The following CD99L2 variants were observed in gnomAD, a reference collection of about 807,000 sequenced individuals.
CD99L2 encodes the protein CD99 molecule like 2, also known as CD99 antigen-like protein 2.
Under a neutral mutation model 27.3 loss-of-function variants are expected in CD99L2, and 24 were observed. That is an observed-to-expected ratio of 0.88 (90% CI 0.64 to 1.24). CD99L2 has a LOEUF of 1.24. CD99L2 is among the 50% of genes most tolerant of loss of function. The pLI, the probability that CD99L2 is intolerant of heterozygous loss-of-function variation, is 0.00. For synonymous variants in CD99L2, 97 were observed against 87.9 expected, an observed-to-expected ratio of 1.10 and a Z score of -0.58; for missense variants, 255 against 221.6, an observed-to-expected ratio of 1.15 and a Z score of -0.96.
intron 2 of CD99L2, among the ~76,000 whole-genome samples, chrX:150,826,815 T>C (rs2046374497): frequency 9.0e-6 from 1 of 111,669 alleles, no homozygotes; most frequent in African/African-American, 3.3e-5. Flanking sequence ...AGAGTAAGCC[T>C]GGCTCTTCTC....
At position 150,772,534 on chromosome X, in the gene CD99L2, T is replaced by G. The variant is rs1041637026; in HGVS notation, c.656-2165A>C. 4.4e-5 allele frequency among the ~76,000 whole-genome samples: 5 copies of G among 112,634 alleles called. 1 individual carries two copies. The Admixed American group carries it at 4.7e-4, about 10-fold the overall frequency. On this transcript the variant is annotated intron_variant, in intron 9 of 10. Coordinates refer to ENST00000370377, the MANE Select transcript of CD99L2 (RefSeq NM_031462.4). ...TGGTTGGGACCAAACCATGAAGGGC[T>G]TCCACTGCCAAACTCAGGCTCAGCC...
At chrX:150,887,856 T>A (rs1290986894) in intron 1 of CD99L2, among the ~76,000 whole-genome samples, 1 of 111,876 alleles carries the variant, frequency 8.9e-6, no homozygotes. Context: ...CTAACAAATA[T>A]ACCTCATGGT....
At position 150,875,853 on chromosome X, in the gene CD99L2, C is replaced by T. The variant is rs138272232; in HGVS notation, c.67+22669G>A. On this transcript the variant is annotated intron_variant, in intron 1 of 10. Coordinates refer to ENST00000370377, the MANE Select transcript of CD99L2 (RefSeq NM_031462.4). ...CCATGTAAGATGTGACTTGCTCCTC[C>T]TTGCCTTCTGCCCTGATGTGAGGCC... Among the ~76,000 whole-genome samples the T allele has an allele frequency of 5.1e-3, 568 of 112,380 alleles. 7 individuals are homozygous for T. Among genetic ancestry groups the T allele is most frequent in the Middle Eastern group, 0.014 (3 of 219 alleles).
intron 3 of CD99L2, among the ~76,000 whole-genome samples, chrX:150,815,738 G>T (rs557811688): frequency 8.9e-6 from 1 of 112,277 alleles, no homozygotes; most frequent in Admixed American, 9.4e-5. Flanking sequence ...CCTGATTTTA[G>T]AAAATGAAAC....
intron 1 of CD99L2, among the ~76,000 whole-genome samples, chrX:150,866,892 G>A (rs781862028): frequency 7.2e-5 from 8 of 110,604 alleles, no homozygotes; most frequent in Non-Finnish European, 1.5e-4. Flanking sequence ...TGTAGCACAT[G>A]AGAAGACTCT....
chrX:150,769,683 C>G (rs1603282295), intron 10 of CD99L2, among the ~76,000 whole-genome samples: 1 of 86,449 alleles, frequency 1.2e-5, no homozygotes, highest in South Asian at 4.1e-4. Context: ...CTGCCTGCGC[C>G]ACCAGGCCTC....
intron 2 of CD99L2, among the ~76,000 whole-genome samples, chrX:150,825,228 T>C (rs1045206737): frequency 2.7e-5 from 3 of 112,150 alleles, no homozygotes; most frequent in Non-Finnish European, 5.6e-5. Context: ...AGAAAAGCAA[T>C]TGCCACTTAT....
rs147707883 is a variant in CD99L2, at chrX:150,849,112, T to G, written c.68-17819A>C. 6.6e-3 allele frequency among the ~76,000 whole-genome samples: 740 copies of G among 111,549 alleles called. 7 individuals carry two copies. The highest frequency in any genetic ancestry group is 0.023 in the African/African-American group (698 of 30,704). On this transcript the variant is annotated intron_variant, in intron 1 of 10. Transcript: ENST00000370377. ...CTTGCTCAAATTCCCTTCCCAAATA[T>G]ACCTAATGGCAGACTGTGGCCTCTA...
chrX:150,824,707 G>GAGGAAGAGGAAGAGGAAGAGGAAGAA (rs2046343166), intron 2 of CD99L2, among the ~76,000 whole-genome samples: 1 of 93,619 alleles, frequency 1.1e-5, no homozygotes, highest in African/African-American at 4.0e-5. Context: ...AAGAGGAAGA[G>GAGGAAGAGGAAGAGGAAGAGGAAGAA]GAAGAAGAAG....
At position 150,768,968 on chromosome X, in the gene CD99L2, A is replaced by G. The variant is rs1202315701; in HGVS notation, c.*66T>C. 3 of 1,103,190 alleles carry G rather than the reference A, an allele frequency of 2.7e-6. No individual in the cohort carries two copies. The highest frequency in any genetic ancestry group is 3.5e-6 in the Non-Finnish European group (3 of 853,177). The allele number at this position is 1,103,190 out of a possible 1,213,427, so 90.9% of individuals were successfully genotyped here. A position where few individuals can be genotyped will look rare whatever the true frequency, so the allele number is the denominator to read the frequency against. On this transcript the variant is annotated 3_prime_UTR_variant, in exon 11 of 11. Transcript: ENST00000370377. The stretch of plus-strand genomic sequence containing the variant: ...GCACAGCAGCTGCGGGTCCAAATGA[A>G]GGGGTGGGGGGAGCCGGGTGACAAG...
In CD99L2 at chrX:150,787,774, C is replaced by T. The variant is rs782079548; in HGVS notation, c.496+5917G>A. Among the ~76,000 whole-genome samples the T allele has an allele frequency of 3.5e-3, 350 of 101,250 alleles. 1 individual carries two copies. The highest frequency in any genetic ancestry group is 0.012 in the African/African-American group (339 of 27,670). The allele number at this position is 101,250 out of a possible 115,157, so 87.9% of individuals were successfully genotyped here. A position where few individuals can be genotyped will look rare whatever the true frequency, so the allele number is the denominator to read the frequency against. On this transcript the variant is annotated intron_variant, in intron 7 of 10. Transcript: ENST00000370377. ...ATTGGGGGAGGGGGGAGGGATAGCA[C>T]TAGGAGATATACCTAATGTAAATGA...
intron 2 of CD99L2, among the ~76,000 whole-genome samples, chrX:150,827,934 A>C (rs940685347): frequency 2.1e-4 from 23 of 111,760 alleles, no homozygotes; most frequent in African/African-American, 7.5e-4. Flanking sequence ...TCTTTGTCAA[A>C]AATCAACTGA....
At position 150,769,056 on chromosome X, in the gene CD99L2, G is replaced by A. The variant is rs781819862; in HGVS notation, c.767C>T (p.Pro256Leu). The A allele has an allele frequency of 7.8e-6, 9 of 1,157,175 alleles. No homozygotes were observed. Among genetic ancestry groups the A allele is most frequent in the Middle Eastern group, 2.4e-4 (1 of 4,126 alleles). The change falls in exon 11 of 11, where the codon CCG becomes CTG. Residue 256 changes from proline to leucine, a missense_variant. By Grantham distance (98) the Pro-to-Leu change is moderately conservative. Transcript: ENST00000370377. ...CCCTCAGATCCGGGCTGGTTCGGGCGGCGGCGGCGGCTCTGCAGACTGCGT... is the reference window on the plus strand; with the variant it reads ...CCCTCAGATCCGGGCTGGTTCGGGCAGCGGCGGCGGCTCTGCAGACTGCGT... ...LHTQSAEPPP[P>L]PEPARI
chrX:150,819,735 A>T (rs1391581515), intron 2 of CD99L2, among the ~76,000 whole-genome samples: 3 of 111,792 alleles, frequency 2.7e-5, no homozygotes, highest in African/African-American at 9.7e-5. Context: ...TTATAATCCA[A>T]ATAAATTCAA....
intron 1 of CD99L2, among the ~76,000 whole-genome samples, chrX:150,839,566 A>C (rs1483316382): frequency 2.7e-5 from 3 of 111,774 alleles, no homozygotes; most frequent in African/African-American, 9.8e-5. Context: ...ATACTGAAGT[A>C]TCAAGAGGTA....
intron 1 of CD99L2, among the ~76,000 whole-genome samples, chrX:150,838,328 T>C (rs919304892): frequency 5.4e-5 from 6 of 111,782 alleles, no homozygotes; most frequent in African/African-American, 2.0e-4. Flanking sequence ...GGGCTTTACA[T>C]AAAAACTGAG....
chrX:150,792,791 A>G lies in CD99L2; in HGVS notation c.496+900T>C, dbSNP rs191875596. On this transcript the variant is annotated intron_variant, in intron 7 of 10. Coordinates refer to ENST00000370377, the MANE Select transcript of CD99L2 (RefSeq NM_031462.4). ...TCACAAGTTACAATCACGACAGGTT[A>G]CAACCACAAGTTACAATCACTAGCC... Among the ~76,000 whole-genome samples the G allele has an allele frequency of 5.0e-3, 559 of 112,496 alleles. 7 individuals are homozygous for G. Among genetic ancestry groups the G allele is most frequent in the Middle Eastern group, 0.014 (3 of 218 alleles).
In CD99L2 at chrX:150,811,028, C is replaced by A. The variant is rs781877817; in HGVS notation, c.277+3834G>T. 2.5e-4 allele frequency among the ~76,000 whole-genome samples: 28 copies of A among 111,755 alleles called. 1 individual carries two copies. The highest frequency in any genetic ancestry group is 4.3e-4 in the Non-Finnish European group (23 of 53,145). ...ACCAGCCTAGGCAACATGGTGAGAC[C>A]CTGTCTCTATTAAATTAAACAAAAT... On this transcript the variant is annotated intron_variant, in intron 4 of 10. Transcript: ENST00000370377.
intron 7 of CD99L2, among the ~76,000 whole-genome samples, chrX:150,792,968 T>C (rs1030624537): frequency 4.5e-5 from 5 of 111,938 alleles, no homozygotes; most frequent in Middle Eastern, 9.3e-3. Flanking sequence ...GGGAACTTCT[T>C]TGTGGCGATG....
Sources: allele counts gnomAD v4.1 joint callset (sites outside exome capture counted in the v4.1 genomes callset), GRCh38; gene constraint gnomAD v4.1.1; transcripts MANE v1.5; gene names NCBI Gene and HGNC (gene_info 2026-07-23, HGNC 2026-07-21).